Variants in GSR observed in about 807,000 individuals in gnomAD.
GSR encodes glutathione-disulfide reductase, also known as glutathione reductase, mitochondrial.
Under a neutral mutation model 56.5 loss-of-function variants are expected in GSR, and 48 were observed. The observed-to-expected ratio is 0.85, with a 90% CI of 0.67 to 1.08. The LOEUF is 1.08. Among genes scored for constraint, GSR ranks in the 50% least tolerant of loss-of-function variants. GSR has a pLI of 0.00. For synonymous variants in GSR, 264 were observed against 270.8 expected (o/e 0.97, Z 0.25); for missense variants, 694 against 703.3 (o/e 0.99, Z 0.15).
intron 1 of GSR, among the ~76,000 whole-genome samples, chr8:30,715,442 G>T (rs148721647): frequency 6.6e-6 from 1 of 152,132 alleles, no homozygotes; most frequent in Non-Finnish European, 1.5e-5. Context: ...AAAGGAGGAC[G>T]CACAGCAGGG....
Position 30,703,250 on chromosome 8 carries a change from G to T in GSR, c.493-10C>A. 1 of 1,612,682 alleles carries T rather than the reference G, an allele frequency of 6.2e-7. No homozygotes were observed. Among genetic ancestry groups the T allele is most frequent in the Non-Finnish European group, 8.5e-7 (1 of 1,178,688 alleles). ...TGATTTCTATATGGGACTAAAGAAGGAACCATGACATTAGCCTGTTCTTAG... is the reference window on the plus strand; with the variant it reads ...TGATTTCTATATGGGACTAAAGAAGTAACCATGACATTAGCCTGTTCTTAG... On this transcript the variant is annotated splice_polypyrimidine_tract_variant and intron_variant, in intron 4 of 12. Transcript: ENST00000221130.
Position 30,727,620 on chromosome 8 carries a change from G to A in GSR, c.216C>T (p.Gly72=). The A allele has an allele frequency of 1.3e-6, 2 of 1,509,856 alleles. No individual in the cohort carries two copies. The highest frequency in any genetic ancestry group is 1.8e-6 in the Non-Finnish European group (2 of 1,135,904). 93.5% of individuals were successfully genotyped at this position (1,509,856 alleles called of 1,614,324 possible). The change falls in exon 1 of 13, where the codon GGC becomes GGT. Residue 72 remains glycine, a synonymous_variant. Coordinates refer to ENST00000221130, the MANE Select transcript of GSR (RefSeq NM_000637.5). The part of the protein sequence containing the change: ...VASYDYLVIG[G]GSGGLASARR... Reference sequence around the variant, plus strand: ...GCGCGCTGGCCAGCCCGCCCGAGCCGCCCCCGATCACCAGGTAGTCATAGG... The same window carrying A: ...GCGCGCTGGCCAGCCCGCCCGAGCCACCCCCGATCACCAGGTAGTCATAGG...
chr8:30,721,134 C>CTCTG (rs33939265), intron 1 of GSR, among the ~76,000 whole-genome samples: 116,388 of 151,806 alleles, frequency 0.77, 49,112 homozygotes, highest in Non-Finnish European at 0.94. Flanking sequence ...ATAATTGTTA[C>CTCTG]GGGCATCCGG....
chr8:30,693,310 A>C (rs975610341), intron 7 of GSR, among the ~76,000 whole-genome samples: 1 of 152,126 alleles, frequency 6.6e-6, no homozygotes, highest in African/African-American at 2.4e-5. Context: ...TTCTCCTCAC[A>C]AAGCTTGCTT....
intron 1 of GSR, among the ~76,000 whole-genome samples, chr8:30,715,622 T>C (rs1188094561): frequency 6.6e-6 from 1 of 152,200 alleles, no homozygotes; most frequent in East Asian, 1.9e-4. Flanking sequence ...CAGTTCACCA[T>C]TTAAGTTCAC....
At chr8:30,710,349 T>G (rs1804086337) in intron 2 of GSR, among the ~76,000 whole-genome samples, 1 of 151,384 alleles carries the variant, frequency 6.6e-6, no homozygotes, top group Admixed American at 6.6e-5. Context: ...AAATAAAATC[T>G]ACTATACCTT....
chr8:30,696,015 G>T (rs962288117), intron 7 of GSR, among the ~76,000 whole-genome samples: 1 of 151,940 alleles, frequency 6.6e-6, no homozygotes, highest in Non-Finnish European at 1.5e-5. Flanking sequence ...ACTCCAGCCT[G>T]GACAAAAGAG....
chr8:30,681,456 C>T (rs1248928306), intron 11 of GSR, among the ~76,000 whole-genome samples: 8 of 151,506 alleles, frequency 5.3e-5, no homozygotes, highest in African/African-American at 1.7e-4. Context: ...AACCCAGAGG[C>T]GGAGGTTGCA....
chr8:30,680,380 T>C (rs1802903704), intron 12 of GSR, among the ~76,000 whole-genome samples: 1 of 54,768 alleles, frequency 1.8e-5, no homozygotes, highest in Non-Finnish European at 4.2e-5. Flanking sequence ...TGGCCTCTCC[T>C]GTTTTTTTTT....
At position 30,727,553 on chromosome 8, in the gene GSR, T is replaced by G; in HGVS notation, c.283A>C (p.Ser95Arg). ...ELGARAAVVE[S>R]HKLGGTCVNV... ...ACGCAAGTGCCACCCAGCTTGTGGC[T>G]CTCCACCACGGCGGCCCTGGCACCC... The change falls in exon 1 of 13, where the codon AGC becomes CGC. Residue 95 changes from serine (S) to arginine (R), a missense_variant. Ser to Arg is a moderately radical substitution (Grantham distance 110). Coordinates refer to ENST00000221130, the MANE Select transcript of GSR (RefSeq NM_000637.5). 6.5e-7 allele frequency: 1 copy of G among 1,536,184 alleles called. No individual in the cohort carries two copies.
chr8:30,680,997 G>A lies in GSR; in HGVS notation c.1326C>T (p.Thr442=). The A allele has an allele frequency of 1.2e-6, 2 of 1,608,822 alleles. No individual in the cohort carries two copies. The highest frequency in any genetic ancestry group is 1.7e-6 in the Non-Finnish European group (2 of 1,175,436). ...IHKYGIENVK[T]YSTSFTPMYH... ...ACATCGGGGTAAAGCTCGTTGAATAGGTCTTCACATTTTCTATTCCATATT... is the reference window on the plus strand; with the variant it reads ...ACATCGGGGTAAAGCTCGTTGAATAAGTCTTCACATTTTCTATTCCATATT... The change falls in exon 12 of 13, where the codon ACC becomes ACT. Residue 442 remains threonine, a synonymous_variant. Transcript: ENST00000221130.
chr8:30,682,979 C>T (rs917231659), intron 10 of GSR, among the ~76,000 whole-genome samples: 34 of 152,116 alleles, frequency 2.2e-4, no homozygotes, highest in Non-Finnish European at 4.0e-4. Context: ...AGGCGTGTGC[C>T]ACCACGCCCA....
In GSR at chr8:30,727,571, T is replaced by A; in HGVS notation, c.265A>T (p.Arg89Trp). The change falls in exon 1 of 13, where the codon AGG (arginine) becomes TGG (tryptophan). Residue 89 changes from arginine (R) to tryptophan (W), a missense_variant. Physicochemically the swap from Arg to Trp is moderately radical, Grantham distance 101. Transcript: ENST00000221130. ...TTGTGGCTCTCCACCACGGCGGCCC[T>A]GGCACCCAGCTCGGCCGCCCTGCGC... ...SARRAAELGARAAVVESHKLG... is the reference protein window; with the variant it reads ...SARRAAELGAWAAVVESHKLG... The A allele has an allele frequency of 6.5e-7, 1 of 1,534,548 alleles. No homozygotes were observed. The highest frequency in any genetic ancestry group is 1.2e-5 in the South Asian group (1 of 83,500).
chr8:30,721,908 T>A (rs1804551607), intron 1 of GSR, among the ~76,000 whole-genome samples: 1 of 151,300 alleles, frequency 6.6e-6, no homozygotes, highest in South Asian at 2.1e-4. Flanking sequence ...TCCCAGCTAC[T>A]CAGGAGGCTG....
intron 8 of GSR, among the ~76,000 whole-genome samples, chr8:30,689,746 G>GTA (rs35206861): frequency 0.037 from 5,125 of 138,568 alleles, 171 homozygotes; most frequent in African/African-American, 0.09. Context: ...GTGTGTGTGT[G>GTA]TATATATATA....
chr8:30,682,228 C>T lies in GSR; in HGVS notation c.1154-167G>A, dbSNP rs1273646502. ...TTTAATACAGCGAAGATATGTCATG[C>T]CTCAGCGAACAACTCAAAATGATTG... is the stretch of plus-strand genomic sequence containing the variant. On this transcript the variant is annotated intron_variant, in intron 10 of 12. Transcript: ENST00000221130. Among the ~76,000 whole-genome samples the T allele has an allele frequency of 5.3e-5, 8 of 152,290 alleles. No individual in the cohort carries two copies. In the South Asian group the frequency reaches 6.2e-4, roughly 12 times the overall value.
intron 9 of GSR, among the ~76,000 whole-genome samples, chr8:30,686,325 A>G (rs1450103965): frequency 1.3e-5 from 2 of 152,118 alleles, no homozygotes; most frequent in East Asian, 3.8e-4. Flanking sequence ...CTCAATTTGC[A>G]TTATATAAAT....
At chr8:30,702,964 G>A (rs2978302) in intron 5 of GSR, 129 bp downstream of exon 5, 1 of 966,094 alleles carries the variant, frequency 1.0e-6, no homozygotes, top group Admixed American at 1.8e-5. Context: ...AGGTTCTGCA[G>A]AGACCTTCTC....
chr8:30,708,203 G>A (rs1803982277), intron 3 of GSR, 62 bp from the exon 4 acceptor site: 8 of 1,194,162 alleles, frequency 6.7e-6, no homozygotes, highest in Non-Finnish European at 1.0e-5. Context: ...TAGTAACTAA[G>A]GCATCTGTCC....
Sources: gnomAD v4.1 joint callset for allele counts (sites outside exome capture counted in the v4.1 genomes callset) on GRCh38, gnomAD v4.1.1 for gene constraint, MANE v1.5 for transcripts, NCBI Gene and HGNC (gene_info 2026-07-23, HGNC 2026-07-21) for gene names.